Variants in EPHA6 observed in about 807,000 individuals in gnomAD.
EPHA6 encodes EPH receptor A6, also known as ephrin type-A receptor 6.
A neutral mutation model predicts 112.0 loss-of-function variants in EPHA6; 50 were observed. The observed-to-expected ratio is 0.45, with a 90% confidence interval of 0.36 to 0.56. The LOEUF is 0.56. Among genes scored for constraint, EPHA6 ranks in the 20% least tolerant of loss-of-function variants. The pLI is 0.00. For synonymous variants in EPHA6, 529 were observed against 490.7 expected, an observed-to-expected ratio of 1.08 and a Z score of -1.03; for missense variants, 1,280 against 1,417.4, an observed-to-expected ratio of 0.90 and a Z score of 1.56.
At chr3:96,952,994 A>G (rs2041613546) in intron 2 of EPHA6, among the ~76,000 whole-genome samples, 1 of 152,190 alleles carries the variant, frequency 6.6e-6, no homozygotes, top group African/African-American at 2.4e-5. Flanking sequence ...AAACCTGCAC[A>G]AGTACCCCTA....
At chr3:97,385,881 A>C (rs1343033089) in intron 5 of EPHA6, among the ~76,000 whole-genome samples, 3 of 152,150 alleles carry the variant, frequency 2.0e-5, no homozygotes, top group African/African-American at 7.2e-5. Flanking sequence ...CTCGTGCACT[A>C]TCACAAGAAC....
chr3:96,843,933 A>T (rs1488940050), intron 1 of EPHA6, among the ~76,000 whole-genome samples: 1 of 152,084 alleles, frequency 6.6e-6, no homozygotes, highest in African/African-American at 2.4e-5. Flanking sequence ...TTATTTGAAT[A>T]TATTTACATT....
At chr3:96,875,362 A>G (rs1226622238) in intron 2 of EPHA6, among the ~76,000 whole-genome samples, 2 of 152,096 alleles carry the variant, frequency 1.3e-5, no homozygotes, top group South Asian at 2.1e-4. Flanking sequence ...AAATTTTTAA[A>G]TATTTAATAC....
chr3:97,525,037 A>G (rs1560099572), intron 10 of EPHA6, among the ~76,000 whole-genome samples: 1 of 152,110 alleles, frequency 6.6e-6, no homozygotes, highest in Non-Finnish European at 1.5e-5. Context: ...GTATGTTCAT[A>G]TCCCTCCCAA....
chr3:97,569,935 A>G (rs901022339), intron 11 of EPHA6: 1 of 152,210 alleles, frequency 6.6e-6, no homozygotes. Flanking sequence ...ATGAAGACCC[A>G]GAGAGGGGTT....
intron 5 of EPHA6, among the ~76,000 whole-genome samples, chr3:97,250,244 T>C (rs560488690): frequency 2.0e-5 from 3 of 152,244 alleles, no homozygotes; most frequent in Non-Finnish European, 4.4e-5. Flanking sequence ...TCTGGTGCTA[T>C]ACCTACATTT....
intron 1 of EPHA6, among the ~76,000 whole-genome samples, chr3:96,824,728 CT>C (rs2033530182): frequency 6.6e-6 from 1 of 151,846 alleles, no homozygotes; most frequent in Admixed American, 6.6e-5. Context: ...CATCTACAAA[CT>C]ATTGTTTACA....
chr3:97,132,844 A>G (rs544791946), intron 3 of EPHA6, among the ~76,000 whole-genome samples: 24 of 152,124 alleles, frequency 1.6e-4, no homozygotes, highest in African/African-American at 5.8e-4. Flanking sequence ...AACTAATCGA[A>G]GTATGCATTC....
At chr3:97,040,764 G>T (rs922913418) in intron 3 of EPHA6, among the ~76,000 whole-genome samples, 2 of 152,104 alleles carry the variant, frequency 1.3e-5, no homozygotes, top group Non-Finnish European at 2.9e-5. Context: ...CAATGATGCA[G>T]TTGTTTACCA....
chr3:97,187,306 G>A (rs138364024), intron 3 of EPHA6, among the ~76,000 whole-genome samples: 3,850 of 152,106 alleles, frequency 0.025, 73 homozygotes, highest in South Asian at 0.067. Flanking sequence ...AGCCGGGCAC[G>A]GTGGCTCACG....
chr3:97,209,601 T>C (rs1198965905), intron 3 of EPHA6, among the ~76,000 whole-genome samples: 1 of 152,218 alleles, frequency 6.6e-6, no homozygotes, highest in Non-Finnish European at 1.5e-5. Flanking sequence ...TCTATAAAAA[T>C]GTATGCTTTC....
At chr3:97,654,253 A>AT (rs929714051) in intron 14 of EPHA6, among the ~76,000 whole-genome samples, 6 of 151,856 alleles carry the variant, frequency 4.0e-5, no homozygotes, top group Non-Finnish European at 8.8e-5. Context: ...TATATAGATA[A>AT]TTTTTTGTCA....
intron 11 of EPHA6, among the ~76,000 whole-genome samples, chr3:97,554,371 T>C (rs972431519): frequency 6.6e-6 from 1 of 152,170 alleles, no homozygotes; most frequent in African/African-American, 2.4e-5. Context: ...TACACTTATA[T>C]ATTGTTTTAT....
At chr3:97,634,506 A>G (rs2093929699) in intron 13 of EPHA6, among the ~76,000 whole-genome samples, 1 of 152,098 alleles carries the variant, frequency 6.6e-6, no homozygotes, top group Admixed American at 6.6e-5. Flanking sequence ...GATTGTAAAA[A>G]GATGTGCACG....
At chr3:97,043,441 A>G (rs932324526) in intron 3 of EPHA6, among the ~76,000 whole-genome samples, 2 of 152,186 alleles carry the variant, frequency 1.3e-5, no homozygotes, top group Non-Finnish European at 2.9e-5. Context: ...GGGTCACTTC[A>G]TGTATCAGGA....
At chr3:97,559,904 A>G (rs2093165162) in intron 11 of EPHA6, among the ~76,000 whole-genome samples, 1 of 152,020 alleles carries the variant, frequency 6.6e-6, no homozygotes, top group Non-Finnish European at 1.5e-5. Context: ...AGGAGTAAAA[A>G]CAAAACTAAT....
intron 3 of EPHA6, among the ~76,000 whole-genome samples, chr3:97,021,620 C>T (rs2044463007): frequency 6.6e-6 from 1 of 152,212 alleles, no homozygotes; most frequent in Non-Finnish European, 1.5e-5. Flanking sequence ...GATGCTCTTC[C>T]TTACTTGCAG....
Position 97,572,694 on chromosome 3 carries a change from A to G in EPHA6, c.2387-19918A>G, listed in dbSNP as rs138493238. 384 of 152,270 alleles carry G rather than the reference A, an allele frequency of 2.5e-3. 1 individual carries two copies. Among genetic ancestry groups the G allele is most frequent in the African/African-American group, 8.8e-3 (364 of 41,574 alleles). 9.4% of individuals were successfully genotyped at this position (152,270 alleles called of 1,614,324 possible). Reference sequence around the variant, plus strand: ...TTTTAGGACTCCTCTGTGCTGTCGTATAGCTGGCTCAGAAGAGACCAACTT... The same window carrying G: ...TTTTAGGACTCCTCTGTGCTGTCGTGTAGCTGGCTCAGAAGAGACCAACTT... On this transcript the variant is annotated intron_variant, in intron 11 of 17. Coordinates refer to ENST00000389672, the MANE Select transcript of EPHA6 (RefSeq NM_001080448.3).
chr3:96,852,904 TATC>T (rs980467249), intron 1 of EPHA6, among the ~76,000 whole-genome samples: 16 of 152,268 alleles, frequency 1.1e-4, no homozygotes, highest in South Asian at 8.3e-4. Context: ...TTAAAGATAA[TATC>T]ATCCATTTCT....
Sources: allele counts gnomAD v4.1 joint callset (sites outside exome capture counted in the v4.1 genomes callset), GRCh38; gene constraint gnomAD v4.1.1; transcripts MANE v1.5; gene names NCBI Gene and HGNC (gene_info 2026-07-23, HGNC 2026-07-21).